The following ING1 variants were observed in gnomAD, a reference collection of about 807,000 sequenced individuals.
ING1 encodes the protein inhibitor of growth family member 1.
ING1 carries 4 observed loss-of-function variants against 23.1 expected under a neutral mutation model. The ratio of observed to expected loss-of-function variants is 0.17; its 90% CI spans 0.09 to 0.40. The LOEUF (loss-of-function observed/expected upper bound fraction) is 0.40, where lower values mean the gene tolerates loss of function less well. ING1 is among the 10% of genes least tolerant of loss of function. The pLI, the probability that ING1 is intolerant of heterozygous loss-of-function variation, is 1.00. For synonymous variants in ING1, 179 were observed against 166.4 expected, an observed-to-expected ratio of 1.08 and a Z score of -0.58; for missense variants, 256 against 393.8, an observed-to-expected ratio of 0.65 and a Z score of 2.96.
rs754505804 is a variant in ING1, at chr13:110,714,212, C to A, written c.63C>A (p.Asp21Glu). ...TGAACTATGTGGAGGACTACCTGGA[C>A]TCCATCGAGTCCCTGCCTTTCGACT... Reference protein sequence around the residue: ...HLVNYVEDYLDSIESLPFDLQ... With the variant: ...HLVNYVEDYLESIESLPFDLQ... Residue 21 changes from aspartate (D) to glutamate (E), a missense_variant, in exon 1 of 2, where the codon GAC (aspartate) becomes GAA (glutamate). Transcript: ENST00000333219. The A allele has an allele frequency of 2.5e-6, 4 of 1,571,122 alleles. No individual in the cohort carries two copies. In the African/African-American group the frequency reaches 4.2e-5, roughly 17 times the overall value.
upstream of ING1, chr13:110,713,242 T>G (rs1441042): frequency 0.73 from 1,009,216 of 1,377,080 alleles, 370,820 homozygotes; most frequent in East Asian, 0.78. Flanking sequence ...CTTATACTGC[T>G]CTGTGGGGCG....
intron 1 of ING1, among the ~76,000 whole-genome samples, chr13:110,718,014 G>A (rs2064138830): frequency 6.6e-6 from 1 of 152,120 alleles, no homozygotes; most frequent in South Asian, 2.1e-4. Flanking sequence ...AATAGCTTTT[G>A]TTTCTTGAGA....
upstream of ING1, chr13:110,712,980 A>C: frequency 1.3e-6 from 2 of 1,556,080 alleles, no homozygotes; most frequent in Non-Finnish European, 1.7e-6. Flanking sequence ...CGGAATGGGT[A>C]GGTCTCCCGC....
In ING1 at chr13:110,720,095, G is replaced by C. The variant is rs755487995; in HGVS notation, c.*163G>C. ...ATGGCAGTGATTCTGTTTGCCTTTT[G>C]TTTTCATTGGTACACGTGTAACAAG... On this transcript the variant is annotated 3_prime_UTR_variant, in exon 2 of 2. Coordinates refer to ENST00000333219, the MANE Select transcript of ING1 (RefSeq NM_198219.3). 1 of 572,928 alleles carries C rather than the reference G, an allele frequency of 1.7e-6. No individual in the cohort carries two copies. Among genetic ancestry groups the C allele is most frequent in the Non-Finnish European group, 3.0e-6 (1 of 330,702 alleles). The allele number at this position is 572,928 out of a possible 1,614,324, so 35.5% of individuals were successfully genotyped here.
intron 1 of ING1, among the ~76,000 whole-genome samples, chr13:110,717,974 G>A (rs2064138497): frequency 6.6e-6 from 1 of 152,200 alleles, no homozygotes; most frequent in Non-Finnish European, 1.5e-5. Context: ...AGCCTTTTTA[G>A]CAAGGCTGTT....
intron 1 of ING1, chr13:110,715,424 C>T (rs1194988706): frequency 1.9e-6 from 3 of 1,551,032 alleles, no homozygotes; most frequent in Non-Finnish European, 2.6e-6. Context: ...CCCGCCTCAG[C>T]CCCCCAGTAG....
intron 1 of ING1, chr13:110,715,585 G>A (rs113686402): frequency 2.5e-6 from 4 of 1,614,058 alleles, no homozygotes; most frequent in Non-Finnish European, 3.4e-6. Context: ...GAGCGGGGTG[G>A]AGGGTGGACG....
At chr13:110,717,360 A>C (rs1203133214) in intron 1 of ING1, among the ~76,000 whole-genome samples, 1 of 152,182 alleles carries the variant, frequency 6.6e-6, no homozygotes. Context: ...TTAGTTTGAG[A>C]ATATACTCTG....
At chr13:110,718,734 A>C (rs917410510) in intron 1 of ING1, among the ~76,000 whole-genome samples, 6 of 151,764 alleles carry the variant, frequency 4.0e-5, no homozygotes, top group Non-Finnish European at 5.9e-5. Context: ...TATTTTATTA[A>C]TGTTTGTATA....
intron 1 of ING1, chr13:110,714,896 C>T (rs2064092132): frequency 1.2e-6 from 1 of 850,576 alleles, no homozygotes; most frequent in Non-Finnish European, 1.4e-6. Flanking sequence ...TAGGGGCCGA[C>T]TGCGAGGGGC....
chr13:110,718,592 T>G (rs1285684506), intron 1 of ING1, among the ~76,000 whole-genome samples: 1 of 152,202 alleles, frequency 6.6e-6, no homozygotes, highest in Non-Finnish European at 1.5e-5. Flanking sequence ...AACCCGGTTC[T>G]TTAAATCATA....
At chr13:110,712,766 GGGAAGAGATAA>G (rs1267266434), upstream of ING1, 1 of 707,260 alleles carries the variant, frequency 1.4e-6, no homozygotes, top group Non-Finnish European at 2.6e-6. Context: ...GACACAGGGC[GGGAAGAGATAA>G]GGCCTAGGGA....
At chr13:110,715,575 G>T (rs201360830) in intron 1 of ING1, 2 of 1,614,124 alleles carry the variant, frequency 1.2e-6, no homozygotes, top group East Asian at 2.2e-5. Context: ...TTTCGGGGAG[G>T]AGCGGGGTGG....
chr13:110,715,960 G>A (rs753706072), intron 1 of ING1: 31 of 1,541,882 alleles, frequency 2.0e-5, no homozygotes, highest in Middle Eastern at 3.5e-4. Flanking sequence ...ACAGTTTCAG[G>A]CCGCATCTCT....
Position 110,719,922 on chromosome 13 carries a change from A to C in ING1, c.830A>C (p.Tyr277Ser), listed in dbSNP as rs759960582. ...ALEKSKKERA[Y>S]NR ...GAGAAATCCAAAAAAGAGAGGGCTT[A>C]CAACAGGTAGTTTGTGGACAGGCGC... The change falls in exon 2 of 2, where the codon TAC (tyrosine) becomes TCC (serine). Residue 277 changes from tyrosine to serine, a missense_variant. By Grantham distance (144) the Tyr-to-Ser change is moderately radical. Coordinates refer to ENST00000333219, the MANE Select transcript of ING1 (RefSeq NM_198219.3). The surrounding 1 kb of genome is among the most constrained non-coding windows in gnomAD (Gnocchi z 8.9). 3.8e-5 allele frequency: 61 copies of C among 1,600,664 alleles called. No homozygotes were observed. The Middle Eastern group carries it at 6.6e-4, about 17-fold the overall frequency.
intron 1 of ING1, chr13:110,715,885 CTGTGGGCTCGGGGCCGGGGCT>C: frequency 6.3e-7 from 1 of 1,589,616 alleles, no homozygotes; most frequent in Middle Eastern, 1.7e-4. Flanking sequence ...GATCCCGGGC[CTGTGGGCTCGGGGCCGGGGCT>C]GCAGTTCGGA....
At chr13:110,714,435 G>A (rs2064082856) in intron 1 of ING1, 150 bp downstream of exon 1, 4 of 709,842 alleles carry the variant, frequency 5.6e-6, no homozygotes, top group African/African-American at 3.8e-5. Flanking sequence ...CAAAAGGTCT[G>A]GAGCGCCTTT....
intron 1 of ING1, 53 bp downstream of exon 1, chr13:110,714,338 C>A: frequency 3.5e-6 from 5 of 1,412,902 alleles, no homozygotes; most frequent in Non-Finnish European, 4.6e-6. Flanking sequence ...CCGGCGGGTC[C>A]GGGCGCGCCG....
chr13:110,715,406 T>G, intron 1 of ING1: 1 of 1,534,604 alleles, frequency 6.5e-7, no homozygotes, highest in Non-Finnish European at 8.8e-7. Flanking sequence ...TAGCATATTA[T>G]GGAACGTCCC....
Sources: gnomAD v4.1 joint callset for allele counts (sites outside exome capture counted in the v4.1 genomes callset) on GRCh38, gnomAD v4.1.1 for gene constraint, Gnocchi (gnomAD v3.1) non-coding constraint, MANE v1.5 for transcripts, NCBI Gene and HGNC (gene_info 2026-07-23, HGNC 2026-07-21) for gene names.